The following DNAJC3 variants were observed in gnomAD, a reference collection of about 807,000 sequenced individuals.
DNAJC3 encodes DnaJ heat shock protein family (Hsp40) member C3.
Under a neutral mutation model 68.6 loss-of-function variants are expected in DNAJC3, and 38 were observed. The ratio of observed to expected loss-of-function variants is 0.55; its 90% confidence interval spans 0.43 to 0.73. The LOEUF is 0.73. Among genes scored for constraint, DNAJC3 ranks in the 30% least tolerant of loss-of-function variants. The probability of loss-of-function intolerance (pLI) is 0.00; values close to 1 mark genes in which losing one functional copy is unlikely to be tolerated. For synonymous variants in DNAJC3, 203 were observed against 204.0 expected, an observed-to-expected ratio of 1.00 and a Z score of 0.04; for missense variants, 526 against 591.9, an observed-to-expected ratio of 0.89 and a Z score of 1.16.
At chr13:95,756,465 A>G (rs999536107) in intron 4 of DNAJC3, among the ~76,000 whole-genome samples, 6 of 152,228 alleles carry the variant, frequency 3.9e-5, no homozygotes, top group African/African-American at 1.4e-4. Flanking sequence ...GCTAAAATAG[A>G]ATAGCTAAAA....
At chr13:95,786,908 T>G in intron 10 of DNAJC3, 99 bp from the exon 11 acceptor site, 1 of 1,412,534 alleles carries the variant, frequency 7.1e-7, no homozygotes, top group Non-Finnish European at 9.6e-7. Context: ...AAAACCAGTT[T>G]TGTTAATTGC....
chr13:95,725,249 A>T lies in DNAJC3; in HGVS notation c.390A>T (p.Lys130Asn). 1 of 1,591,832 alleles carries T rather than the reference A, an allele frequency of 6.3e-7. No individual in the cohort carries two copies. Among genetic ancestry groups the T allele is most frequent in the South Asian group, 1.2e-5 (1 of 86,608 alleles). Reference protein sequence around the residue: ...KLDEAEDDFKKVLKSNPSENE... With the variant: ...KLDEAEDDFKNVLKSNPSENE... ...ATGAAGCAGAAGATGATTTTAAAAA[A>T]GTGGTAAGTTCAATATGTATTTGAC... Residue 130 changes from lysine to asparagine, a missense_variant, in exon 4 of 12, where the codon AAA (lysine) becomes AAT (asparagine). Lys to Asn is a moderately conservative substitution (Grantham distance 94). Transcript: ENST00000602402.
At chr13:95,721,511 C>A (rs1431624625) in intron 2 of DNAJC3, among the ~76,000 whole-genome samples, 2 of 152,138 alleles carry the variant, frequency 1.3e-5, no homozygotes, top group African/African-American at 4.8e-5. Flanking sequence ...AGTGCCATAC[C>A]ATCTTACATC....
Position 95,757,681 on chromosome 13 carries a change from C to A in DNAJC3, c.431C>A (p.Ala144Glu). 6.3e-7 allele frequency: 1 copy of A among 1,574,838 alleles called. No homozygotes were observed. Among genetic ancestry groups the A allele is most frequent in the South Asian group, 1.1e-5 (1 of 87,530 alleles). ...CCAAGTGAAAATGAAGAAAAGGAAG[C>A]ACAGTCTCAACTTATAAAATCTGAT... ...SNPSENEEKE[A>E]QSQLIKSDEM... Residue 144 changes from alanine (A) to glutamate (E), a missense_variant, in exon 5 of 12, where the codon GCA becomes GAA. Ala to Glu is a moderately radical substitution (Grantham distance 107). Coordinates refer to ENST00000602402, the MANE Select transcript of DNAJC3 (RefSeq NM_006260.5).
At chr13:95,755,909 C>G (rs1882648829) in intron 4 of DNAJC3, among the ~76,000 whole-genome samples, 1 of 151,986 alleles carries the variant, frequency 6.6e-6, no homozygotes, top group Non-Finnish European at 1.5e-5. Context: ...AGAATCCTCT[C>G]TCCCTCTTCC....
intron 2 of DNAJC3, among the ~76,000 whole-genome samples, chr13:95,717,674 C>T (rs902579591): frequency 1.3e-5 from 2 of 152,222 alleles, no homozygotes; most frequent in African/African-American, 2.4e-5. Context: ...ATACTGTTCT[C>T]ACAGTAGTGA....
intron 4 of DNAJC3, chr13:95,742,517 G>A: frequency 2.4e-6 from 1 of 423,000 alleles, no homozygotes; most frequent in Non-Finnish European, 4.6e-6. Flanking sequence ...GGAGTCCACA[G>A]TGGCAATGTG....
chr13:95,713,673 G>T (rs1462110822), intron 2 of DNAJC3, among the ~76,000 whole-genome samples: 1 of 152,208 alleles, frequency 6.6e-6, no homozygotes, highest in Non-Finnish European at 1.5e-5. Flanking sequence ...TTCTTCATGA[G>T]TTGCCTTGTG....
At chr13:95,783,890 C>G (rs184534217) in intron 9 of DNAJC3, among the ~76,000 whole-genome samples, 2 of 152,214 alleles carry the variant, frequency 1.3e-5, no homozygotes, top group East Asian at 3.9e-4. Context: ...GGCCAGAGTC[C>G]CAGCTAGTGT....
intron 2 of DNAJC3, among the ~76,000 whole-genome samples, chr13:95,709,956 A>G (rs994393418): frequency 1.3e-5 from 2 of 152,094 alleles, no homozygotes; most frequent in African/African-American, 4.8e-5. Flanking sequence ...GACTTTTTGA[A>G]CAGATTTTAC....
intron 11 of DNAJC3, among the ~76,000 whole-genome samples, chr13:95,788,123 G>T (rs1229596729): frequency 1.3e-5 from 2 of 152,086 alleles, no homozygotes; most frequent in African/African-American, 4.8e-5. Flanking sequence ...ACTTGCAGTG[G>T]AATTGAAAGT....
rs144772385 is a variant in DNAJC3, at chr13:95,792,358, T to C, written c.*1328T>C. On this transcript the variant is annotated 3_prime_UTR_variant, in exon 12 of 12. Coordinates refer to ENST00000602402, the MANE Select transcript of DNAJC3 (RefSeq NM_006260.5). Reference sequence around the variant, plus strand: ...TGCTGCATTTGAAAGCTGAAGGAATTACTTTAGATAGATAGGAATTGCTAC... The same window carrying C: ...TGCTGCATTTGAAAGCTGAAGGAATCACTTTAGATAGATAGGAATTGCTAC... 2.1e-4 allele frequency: 32 copies of C among 152,384 alleles called. No homozygotes were observed. The highest frequency in any genetic ancestry group is 7.5e-4 in the African/African-American group (31 of 41,594). 9.4% of individuals were successfully genotyped at this position (152,384 alleles called of 1,614,324 possible). A position where few individuals can be genotyped will look rare whatever the true frequency, so the allele number is the denominator to read the frequency against.
chr13:95,787,008 A>G lies in DNAJC3; in HGVS notation c.1210A>G (p.Asn404Asp). The change falls in exon 11 of 12, where the codon AAT (asparagine) becomes GAT (aspartate). Residue 404 changes from asparagine (N) to aspartate (D), a missense_variant and splice_region_variant. Physicochemically the swap from Asn to Asp is conservative, Grantham distance 23. Transcript: ENST00000602402. ...DYYKILGVKR[N>D]AKKQEIIKAY... ...ATTATTTATTTTACCACCCCTCAGA[A>G]ATGCCAAAAAGCAAGAAATTATTAA... 2 of 1,606,170 alleles carry G rather than the reference A, an allele frequency of 1.2e-6. No individual in the cohort carries two copies. Among genetic ancestry groups the G allele is most frequent in the Non-Finnish European group, 1.7e-6 (2 of 1,177,978 alleles).
chr13:95,692,122 G>C (rs1880289033), intron 1 of DNAJC3, among the ~76,000 whole-genome samples: 1 of 145,974 alleles, frequency 6.9e-6, no homozygotes, highest in African/African-American at 2.7e-5. Flanking sequence ...AGACTGTGGG[G>C]AGAGGGAGAG....
In DNAJC3 at chr13:95,725,213, A is replaced by G. The variant is rs1593981655; in HGVS notation, c.354A>G (p.Gln118=). The G allele has an allele frequency of 6.3e-7, 1 of 1,594,340 alleles. No homozygotes were observed. The highest frequency in any genetic ancestry group is 2.3e-5 in the East Asian group (1 of 43,914). Residue 118 remains glutamine, a synonymous_variant, in exon 4 of 12, where the codon CAA becomes CAG. Coordinates refer to ENST00000602402, the MANE Select transcript of DNAJC3 (RefSeq NM_006260.5). ...RLQRGHLLLK[Q]GKLDEAEDDF... ...AGAGAGGTCACTTATTACTCAAACA[A>G]GGAAAACTTGATGAAGCAGAAGATG...
intron 9 of DNAJC3, among the ~76,000 whole-genome samples, chr13:95,784,375 A>C (rs566916909): frequency 6.6e-6 from 1 of 152,264 alleles, no homozygotes; most frequent in Admixed American, 6.5e-5. Context: ...AAAAGGTGCA[A>C]GGGTGAAAAT....
chr13:95,678,780 A>G (rs1879835954), intron 1 of DNAJC3, among the ~76,000 whole-genome samples: 1 of 151,696 alleles, frequency 6.6e-6, no homozygotes, highest in African/African-American at 2.4e-5. Context: ...TGCTTTTCCC[A>G]CTACTTTTTA....
chr13:95,726,250 A>C (rs541480379), intron 4 of DNAJC3, among the ~76,000 whole-genome samples: 2 of 152,310 alleles, frequency 1.3e-5, no homozygotes, highest in Admixed American at 6.5e-5. Context: ...GAATCACCAC[A>C]CTGACTTCCA....
intron 4 of DNAJC3, among the ~76,000 whole-genome samples, chr13:95,738,930 A>G (rs1882025574): frequency 6.6e-6 from 1 of 151,856 alleles, no homozygotes; most frequent in Admixed American, 6.6e-5. Context: ...GATGGTCTTT[A>G]CATTTTGGCA....
Sources: allele counts gnomAD v4.1 joint callset (sites outside exome capture counted in the v4.1 genomes callset), GRCh38; gene constraint gnomAD v4.1.1; transcripts MANE v1.5; gene names NCBI Gene and HGNC (gene_info 2026-07-23, HGNC 2026-07-21).